Variants in FAM193B observed in about 807,000 individuals in gnomAD.
FAM193B encodes the protein protein FAM193B.
Under a neutral mutation model 70.7 loss-of-function variants are expected in FAM193B, and 27 were observed. That is an observed-to-expected ratio of 0.38 (90% confidence interval 0.28 to 0.53). FAM193B has a LOEUF of 0.53. Among genes scored for constraint, FAM193B ranks in the 20% least tolerant of loss-of-function variants. The pLI is 0.81. For synonymous variants in FAM193B, 448 were observed against 436.0 expected (o/e 1.03, Z -0.34); for missense variants, 1,022 against 1,072.5 (o/e 0.95, Z 0.66).
intron 5 of FAM193B, among the ~76,000 whole-genome samples, chr5:177,527,099 G>A (rs1469004922): frequency 2.6e-5 from 4 of 151,272 alleles, no homozygotes; most frequent in Non-Finnish European, 4.4e-5. Flanking sequence ...AGCACAGAAT[G>A]GGGAGTGGAA....
chr5:177,529,928 C>T (rs1375648789), intron 5 of FAM193B, among the ~76,000 whole-genome samples: 1 of 152,208 alleles, frequency 6.6e-6, no homozygotes, highest in African/African-American at 2.4e-5. Context: ...CTCACTACTT[C>T]AGGCGGCGGG....
Position 177,554,375 on chromosome 5 carries a change from C to A in FAM193B, c.84G>T (p.Ala28=). Reference sequence around the variant, plus strand: ...GGCTTGGCGGCGGCGGGGGCTCGGGCGCCTGGGGCTTCTGCGGCCCCGCGG... The same window carrying A: ...GGCTTGGCGGCGGCGGGGGCTCGGGAGCCTGGGGCTTCTGCGGCCCCGCGG... The part of the protein sequence containing the change: ...ARAAGPQKPQ[A]PEPPPPPSLE... Residue 28 remains alanine, a synonymous_variant, in exon 1 of 9, where the codon GCG becomes GCT. Transcript: ENST00000514747. The A allele has an allele frequency of 3.3e-6, 4 of 1,206,560 alleles. No homozygotes were observed. Among genetic ancestry groups the A allele is most frequent in the Non-Finnish European group, 4.1e-6 (4 of 971,924 alleles). 74.7% of individuals were successfully genotyped at this position (1,206,560 alleles called of 1,614,324 possible). A position where few individuals can be genotyped will look rare whatever the true frequency, so the allele number is the denominator to read the frequency against.
At chr5:177,529,750 T>C (rs1763169609) in intron 5 of FAM193B, among the ~76,000 whole-genome samples, 1 of 152,174 alleles carries the variant, frequency 6.6e-6, no homozygotes, top group Non-Finnish European at 1.5e-5. Context: ...CACATCAGAC[T>C]TGGGAACTGC....
intron 1 of FAM193B, among the ~76,000 whole-genome samples, chr5:177,549,187 CTTTTTTTTTTTTT>C (rs141797022): frequency 3.2e-5 from 3 of 93,024 alleles, no homozygotes; most frequent in African/African-American, 1.1e-4. Flanking sequence ...ATTGTCTTTT[CTTTTTTTTTTTTT>C]TTTTTTTTTG....
At position 177,554,246 on chromosome 5, in the gene FAM193B, T is replaced by C. The variant is rs1296402684; in HGVS notation, c.210+3A>G. On this transcript the variant is annotated splice_donor_region_variant and intron_variant, in intron 1 of 8. Transcript: ENST00000514747. ...CCGCCGAAGTCTCCCCGCTCGCTCC[T>C]ACCTGCGGGCCGGGCACCAGGTTGG... 6.8e-7 allele frequency: 1 copy of C among 1,475,474 alleles called. No individual in the cohort carries two copies. The highest frequency in any genetic ancestry group is 9.0e-7 in the Non-Finnish European group (1 of 1,115,930). The allele number at this position is 1,475,474 out of a possible 1,614,324, so 91.4% of individuals were successfully genotyped here. A position where few individuals can be genotyped will look rare whatever the true frequency, so the allele number is the denominator to read the frequency against.
At chr5:177,526,625 C>T (rs932372053) in intron 5 of FAM193B, among the ~76,000 whole-genome samples, 1 of 152,218 alleles carries the variant, frequency 6.6e-6, no homozygotes, top group African/African-American at 2.4e-5. Context: ...CAGAAACACA[C>T]ACTTTCTGCT....
Position 177,524,991 on chromosome 5 carries a change from A to G in FAM193B, c.1490T>C (p.Met497Thr). 2 of 1,525,798 alleles carry G rather than the reference A, an allele frequency of 1.3e-6. No homozygotes were observed. The highest frequency in any genetic ancestry group is 1.8e-6 in the Non-Finnish European group (2 of 1,137,776). The allele number at this position is 1,525,798 out of a possible 1,614,324, so 94.5% of individuals were successfully genotyped here. ...CTCCTTAGAGAAGCCATTGCTGTCC[A>G]TGCTGAGCTCACACACACTGAAGCT... ...RASFSVCELS[M>T]DSNGFSKEGA... is the part of the protein sequence containing the mutation. Residue 497 changes from methionine (M) to threonine (T), a missense_variant, in exon 6 of 9, where the codon ATG becomes ACG. Physicochemically the swap from Met to Thr is moderately conservative, Grantham distance 81. Coordinates refer to ENST00000514747, the MANE Select transcript of FAM193B (RefSeq NM_001190946.3).
At chr5:177,521,135 G>C (rs189216365) in intron 8 of FAM193B, among the ~76,000 whole-genome samples, 1 of 152,354 alleles carries the variant, frequency 6.6e-6, no homozygotes, top group East Asian at 1.9e-4. Flanking sequence ...CAGGACAGCT[G>C]TGTGGTTGCC....
At chr5:177,553,537 C>A (rs1766584231) in intron 1 of FAM193B, 2 of 1,142,244 alleles carry the variant, frequency 1.8e-6, no homozygotes, top group African/African-American at 3.3e-5. Flanking sequence ...TGACCTTCTT[C>A]CAGGTGGCAA....
intron 1 of FAM193B, among the ~76,000 whole-genome samples, chr5:177,550,800 T>G (rs1661868120): frequency 6.6e-6 from 1 of 152,218 alleles, no homozygotes; most frequent in African/African-American, 2.4e-5. Flanking sequence ...ATGTACTAGC[T>G]GCTGCATAGG....
chr5:177,523,335 G>GT (rs1400957238), intron 7 of FAM193B: 2 of 273,204 alleles, frequency 7.3e-6, no homozygotes, highest in Non-Finnish European at 1.5e-5. Context: ...GCATTATTTA[G>GT]TAATGTATTG....
rs1337764406 is a variant in FAM193B at position 177,536,182 on chromosome 5, G to A, written c.1076+176C>T. On this transcript the variant is annotated intron_variant, in intron 4 of 8. Transcript: ENST00000514747. The stretch of plus-strand genomic sequence containing the variant: ...CCTGCCTAGGACTCCCAAAGCGCTA[G>A]GAGTATAGGTGTGAGCCACTGTGCC... The A allele has an allele frequency of 7.3e-6, 5 of 686,880 alleles. No homozygotes were observed. In the East Asian group the frequency reaches 1.5e-4, roughly 21 times the overall value. 42.5% of individuals were successfully genotyped at this position (686,880 alleles called of 1,614,324 possible).
intron 4 of FAM193B, among the ~76,000 whole-genome samples, chr5:177,533,463 C>T (rs1371388346): frequency 6.6e-6 from 1 of 152,100 alleles, no homozygotes; most frequent in Non-Finnish European, 1.5e-5. Context: ...CGCAACCACG[C>T]CCGGCTAATT....
intron 1 of FAM193B, among the ~76,000 whole-genome samples, chr5:177,549,911 C>T (rs1031943329): frequency 1.3e-5 from 2 of 152,180 alleles, no homozygotes. Flanking sequence ...ATAAGGTCCA[C>T]ACACAATATA....
At chr5:177,547,302 T>TTTTTTTTTTG (rs58258777) in intron 1 of FAM193B, 1 of 141,452 alleles carries the variant, frequency 7.1e-6, no homozygotes, top group East Asian at 2.0e-4. Context: ...TTTTTTTTTT[T>TTTTTTTTTTG]GAGACGGAGT....
intron 3 of FAM193B, 103 bp from the exon 4 acceptor site, chr5:177,536,848 G>T: frequency 7.1e-7 from 1 of 1,416,602 alleles, no homozygotes; most frequent in Non-Finnish European, 9.4e-7. Flanking sequence ...TGACAAGAGG[G>T]CACAGCCTCT....
intron 1 of FAM193B, among the ~76,000 whole-genome samples, chr5:177,550,473 T>A (rs533828001): frequency 6.6e-6 from 1 of 152,362 alleles, no homozygotes; most frequent in South Asian, 2.1e-4. Context: ...TGACTAATCA[T>A]CTGCTCCAAT....
chr5:177,554,424 G>A lies in FAM193B; in HGVS notation c.35C>T (p.Ala12Val), dbSNP rs1224030951. 12 of 1,093,334 alleles carry A rather than the reference G, an allele frequency of 1.1e-5. No individual in the cohort carries two copies. The East Asian group carries it at 6.1e-4, about 56-fold the overall frequency. 67.7% of individuals were successfully genotyped at this position (1,093,334 alleles called of 1,614,324 possible). The part of the protein sequence containing the change: ...TRRRSRPSGG[A>V]GRRERARAAG... ...GGCCCGAGCCCGCTCGCGCCTGCCC[G>A]CACCGCCGCTCGGCCTGCTCCGCCT... Residue 12 changes from alanine (A) to valine (V), a missense_variant, in exon 1 of 9, where the codon GCG becomes GTG. Coordinates refer to ENST00000514747, the MANE Select transcript of FAM193B (RefSeq NM_001190946.3).
chr5:177,522,588 C>A (rs1342125579), intron 7 of FAM193B, among the ~76,000 whole-genome samples: 24 of 151,774 alleles, frequency 1.6e-4, no homozygotes, highest in Admixed American at 1.4e-3. Flanking sequence ...GATCCTCCCA[C>A]CTTGGCCTTC....
Sources: gnomAD v4.1 joint callset for allele counts (sites outside exome capture counted in the v4.1 genomes callset) on GRCh38, gnomAD v4.1.1 for gene constraint, MANE v1.5 for transcripts, NCBI Gene and HGNC (gene_info 2026-07-23, HGNC 2026-07-21) for gene names.